ANK3: variants seen among roughly 807,000 people sequenced by gnomAD.
ANK3 encodes ankyrin-3.
Under a neutral mutation model 370.9 loss-of-function variants are expected in ANK3, and 57 were observed. The ratio of observed to expected loss-of-function variants is 0.15; its 90% CI spans 0.12 to 0.19. ANK3 has a LOEUF of 0.19. ANK3 is among the 10% of genes least tolerant of loss of function. The pLI, the probability that ANK3 is intolerant of heterozygous loss-of-function variation, is 1.00. For missense variants in ANK3, 4,439 were observed against 5,302.1 expected (o/e 0.84, Z 5.06); for synonymous variants, 1,929 against 1,946.3 (o/e 0.99, Z 0.23).
intron 1 of ANK3, among the ~76,000 whole-genome samples, chr10:60,373,237 G>T (rs942943281): frequency 1.3e-5 from 2 of 152,166 alleles, no homozygotes; most frequent in East Asian, 3.8e-4. Flanking sequence ...ATATCTCATC[G>T]GGTAGAAGGT....
intron 25 of ANK3, among the ~76,000 whole-genome samples, chr10:60,117,412 A>G (rs1242859881): frequency 6.6e-6 from 1 of 152,242 alleles, no homozygotes; most frequent in South Asian, 2.1e-4. Context: ...ATGTGAACAC[A>G]TTGAGAGATT....
intron 1 of ANK3, among the ~76,000 whole-genome samples, chr10:60,622,154 C>T (rs1436971358): frequency 6.6e-6 from 1 of 152,068 alleles, no homozygotes. Flanking sequence ...TTTAGCTCTC[C>T]AATTTCACAG....
At chr10:60,236,827 G>A (rs955524802) in intron 7 of ANK3, among the ~76,000 whole-genome samples, 5 of 152,304 alleles carry the variant, frequency 3.3e-5, no homozygotes, top group South Asian at 2.1e-4. Flanking sequence ...AACTTTGTCC[G>A]CAAAGGGCCA....
At chr10:60,564,111 T>G (rs1004021956) in intron 2 of ANK3, among the ~76,000 whole-genome samples, 1 of 152,194 alleles carries the variant, frequency 6.6e-6, no homozygotes, top group African/African-American at 2.4e-5. Flanking sequence ...TTCATGGATG[T>G]GTATGCACAA....
intron 43 of ANK3, among the ~76,000 whole-genome samples, chr10:60,036,308 C>A (rs56341432): frequency 6.6e-6 from 1 of 151,500 alleles, no homozygotes; most frequent in Non-Finnish European, 1.5e-5. Flanking sequence ...ATCCAAAGCT[C>A]TTCAAGGTTC....
intron 2 of ANK3, among the ~76,000 whole-genome samples, chr10:60,513,943 C>T (rs546348124): frequency 3.3e-5 from 5 of 152,232 alleles, no homozygotes; most frequent in South Asian, 2.1e-4. Flanking sequence ...CTTCCCCTTC[C>T]TCCACCTCAG....
chr10:60,340,011 G>A (rs1482123799), intron 1 of ANK3, among the ~76,000 whole-genome samples: 5 of 152,192 alleles, frequency 3.3e-5, no homozygotes, highest in African/African-American at 1.2e-4. Context: ...ATAGGAAGCT[G>A]CAGCCCTGGC....
chr10:60,295,178 A>G (rs551950457), intron 1 of ANK3, among the ~76,000 whole-genome samples: 2 of 152,176 alleles, frequency 1.3e-5, no homozygotes, highest in Non-Finnish European at 1.5e-5. Context: ...GTCACTTTCT[A>G]TTGGCAAGTC....
chr10:60,608,364 A>G (rs1288611741), intron 2 of ANK3, among the ~76,000 whole-genome samples: 8 of 152,170 alleles, frequency 5.3e-5, no homozygotes, highest in Admixed American at 4.6e-4. Context: ...AAGAATATAT[A>G]TATGTCCTAC....
chr10:60,556,351 C>G (rs1432588525), intron 2 of ANK3, among the ~76,000 whole-genome samples: 5 of 152,176 alleles, frequency 3.3e-5, no homozygotes, highest in African/African-American at 1.2e-4. Flanking sequence ...TGTTCTGGAA[C>G]AGTTGACATG....
chr10:60,261,758 G>A (rs2097808550), intron 7 of ANK3, 101 bp downstream of exon 7: 1 of 940,018 alleles, frequency 1.1e-6, no homozygotes, highest in Admixed American at 1.9e-5. Flanking sequence ...TGACTGGAAG[G>A]ACTCTTGGAG....
intron 1 of ANK3, among the ~76,000 whole-genome samples, chr10:60,314,453 T>C (rs777865494): frequency 2.2e-4 from 33 of 152,248 alleles, no homozygotes; most frequent in Non-Finnish European, 4.3e-4. Context: ...AAATAGCAAT[T>C]TTTCAATTAT....
At chr10:60,676,592 T>C (rs1306180705) in intron 1 of ANK3, among the ~76,000 whole-genome samples, 1 of 152,178 alleles carries the variant, frequency 6.6e-6, no homozygotes, top group Non-Finnish European at 1.5e-5. Context: ...GAGTAAAATA[T>C]AGTCATAGGA....
chr10:60,123,514 A>G (rs760061297), intron 25 of ANK3, among the ~76,000 whole-genome samples: 6 of 152,080 alleles, frequency 3.9e-5, no homozygotes, highest in Non-Finnish European at 5.9e-5. Flanking sequence ...AGAGAGAGAG[A>G]AAAAAAGGAG....
intron 2 of ANK3, among the ~76,000 whole-genome samples, chr10:60,451,784 T>C (rs61847647): frequency 0.35 from 53,933 of 152,114 alleles, 9,708 homozygotes; most frequent in South Asian, 0.47. Context: ...TCACGCTCTG[T>C]GGGTGTGTGT....
chr10:60,451,201 A>G (rs1263866858), intron 2 of ANK3, among the ~76,000 whole-genome samples: 2 of 152,172 alleles, frequency 1.3e-5, no homozygotes, highest in African/African-American at 4.8e-5. Context: ...TCGCCCTCAG[A>G]ATCTCCACAA....
intron 2 of ANK3, among the ~76,000 whole-genome samples, chr10:60,563,775 A>G (rs2077395289): frequency 6.6e-6 from 1 of 152,188 alleles, no homozygotes; most frequent in Non-Finnish European, 1.5e-5. Context: ...CCCCAAGGCT[A>G]CTATATATAA....
chr10:60,262,425 C>T (rs1330637534), intron 6 of ANK3, among the ~76,000 whole-genome samples: 1 of 152,146 alleles, frequency 6.6e-6, no homozygotes, highest in Non-Finnish European at 1.5e-5. Flanking sequence ...AGACGTACTA[C>T]CACAAAGTTG....
intron 2 of ANK3, among the ~76,000 whole-genome samples, chr10:60,484,253 G>A (rs1193568753): frequency 5.1e-4 from 78 of 152,156 alleles, no homozygotes; most frequent in Admixed American, 5.0e-3. Flanking sequence ...TTAGATGACG[G>A]TTGTGTCAAC....
Sources: gnomAD v4.1 joint callset for allele counts (sites outside exome capture counted in the v4.1 genomes callset) on GRCh38, gnomAD v4.1.1 for gene constraint, MANE v1.5 for transcripts, NCBI Gene and HGNC (gene_info 2026-07-23, HGNC 2026-07-21) for gene names.